Variants in AUTS2 observed in about 807,000 individuals in gnomAD.
The protein encoded by AUTS2 is autism susceptibility gene 2 protein.
AUTS2 carries 17 observed loss-of-function variants against 112.4 expected under a neutral mutation model. That is an observed-to-expected ratio of 0.15 (90% CI 0.10 to 0.23). The LOEUF is 0.23. Ranked by LOEUF, AUTS2 falls within the 10% of genes least tolerant of loss-of-function variation. The probability of loss-of-function intolerance (pLI) is 1.00; values close to 1 mark genes in which losing one functional copy is unlikely to be tolerated. For missense variants in AUTS2, 1,510 were observed against 1,701.6 expected (o/e 0.89, Z 1.98); for synonymous variants, 751 against 702.7 (o/e 1.07, Z -1.09).
intron 5 of AUTS2, among the ~76,000 whole-genome samples, chr7:70,595,727 G>A (rs1323378842): frequency 1.3e-5 from 2 of 152,206 alleles, no homozygotes; most frequent in East Asian, 3.9e-4. Flanking sequence ...GCATCTTCCG[G>A]CTGTAAATGG....
At chr7:70,640,215 C>T (rs1024672657) in intron 5 of AUTS2, among the ~76,000 whole-genome samples, 2 of 151,508 alleles carry the variant, frequency 1.3e-5, no homozygotes, top group African/African-American at 4.9e-5. Flanking sequence ...TCATCTCTTT[C>T]GAAAATATAC....
chr7:70,476,513 C>T (rs1215342093), intron 5 of AUTS2, among the ~76,000 whole-genome samples: 5 of 152,116 alleles, frequency 3.3e-5, no homozygotes, highest in African/African-American at 1.2e-4. Context: ...AGACATCTGC[C>T]CCACACAGAA....
At chr7:69,879,120 CTGTGTGTGTGTGTGTGTGTGTGTGTG>C (rs5884770) in intron 1 of AUTS2, among the ~76,000 whole-genome samples, 153 of 147,818 alleles carry the variant, frequency 1.0e-3, no homozygotes, top group Non-Finnish European at 1.6e-3. Context: ...TTGAGACTTT[CTGTGTGTGTGTGTGTGTGTGTGTGTG>C]TGTGTGTGTG....
intron 2 of AUTS2, among the ~76,000 whole-genome samples, chr7:70,070,899 G>A (rs1326498080): frequency 4.0e-5 from 6 of 151,298 alleles, no homozygotes. Flanking sequence ...AAAAAGAAAG[G>A]GAGAGAGGGA....
At chr7:70,657,834 G>T (rs914147184) in intron 5 of AUTS2, among the ~76,000 whole-genome samples, 1 of 152,106 alleles carries the variant, frequency 6.6e-6, no homozygotes, top group Non-Finnish European at 1.5e-5. Flanking sequence ...ATGTTTCTGG[G>T]GACAGGCAGG....
At position 70,321,755 on chromosome 7, in the gene AUTS2, A is replaced by G. The variant is rs565731266; in HGVS notation, c.661-113997A>G. 2.0e-5 allele frequency among the ~76,000 whole-genome samples: 3 copies of G among 152,354 alleles called. No individual in the cohort carries two copies. The East Asian group carries it at 5.8e-4, about 29-fold the overall frequency. Reference sequence around the variant, plus strand: ...GTGAAACACTGGTTTCCTGACACATATTCATTAAACATACAGTCATGTCAC... The same window carrying G: ...GTGAAACACTGGTTTCCTGACACATGTTCATTAAACATACAGTCATGTCAC... On this transcript the variant is annotated intron_variant, in intron 4 of 18. Coordinates refer to ENST00000342771, the MANE Select transcript of AUTS2 (RefSeq NM_015570.4).
chr7:70,092,034 C>G (rs1031375440), intron 2 of AUTS2, among the ~76,000 whole-genome samples: 2 of 116,454 alleles, frequency 1.7e-5, no homozygotes, highest in Non-Finnish European at 3.7e-5. Flanking sequence ...GTCATATCCC[C>G]CAAATTATAT....
chr7:69,976,584 C>T (rs1798069537), intron 2 of AUTS2, among the ~76,000 whole-genome samples: 1 of 152,116 alleles, frequency 6.6e-6, no homozygotes, highest in Admixed American at 6.5e-5. Flanking sequence ...TTTACAATCC[C>T]ACCATTAGTG....
chr7:70,766,028 C>G lies in AUTS2; in HGVS notation c.1469-86C>G. 6.5e-7 allele frequency: 1 copy of G among 1,537,654 alleles called. No individual in the cohort carries two copies. Among genetic ancestry groups the G allele is most frequent in the Non-Finnish European group, 8.8e-7 (1 of 1,139,234 alleles). ...CCTGTCACCCCTGCCACTGTGTCACCAGCCCCGTACCCCTCCACAGGAAGG... is the reference window on the plus strand; with the variant it reads ...CCTGTCACCCCTGCCACTGTGTCACGAGCCCCGTACCCCTCCACAGGAAGG... On this transcript the variant is annotated intron_variant, in intron 8 of 18. Coordinates refer to ENST00000342771, the MANE Select transcript of AUTS2 (RefSeq NM_015570.4). This position sits in a 1 kb window ranked among gnomAD's most constrained non-coding sequence, Gnocchi z 4.8.
rs149075866 is a variant in AUTS2 at position 70,394,583 on chromosome 7, G to A, written c.661-41169G>A. Reference sequence around the variant, plus strand: ...GTTCTGAAGTTCTAAGGGATAAGACGCATTGCTACCAACATATGTGGCCTA... The same window carrying A: ...GTTCTGAAGTTCTAAGGGATAAGACACATTGCTACCAACATATGTGGCCTA... On this transcript the variant is annotated intron_variant, in intron 4 of 18. Transcript: ENST00000342771. Among the ~76,000 whole-genome samples, 12 of 152,304 alleles carry A rather than the reference G, an allele frequency of 7.9e-5. No individual in the cohort carries two copies. In the East Asian group the frequency reaches 1.7e-3, roughly 22 times the overall value.
At chr7:69,846,235 A>G (rs185933494) in intron 1 of AUTS2, among the ~76,000 whole-genome samples, 3 of 152,282 alleles carry the variant, frequency 2.0e-5, no homozygotes, top group Admixed American at 2.0e-4. Flanking sequence ...TGACCACTCT[A>G]TGATTATTCT....
chr7:70,747,560 G>A (rs1788534715), intron 6 of AUTS2, among the ~76,000 whole-genome samples: 1 of 152,214 alleles, frequency 6.6e-6, no homozygotes, highest in Non-Finnish European at 1.5e-5. Context: ...CCAGGTACAA[G>A]TGATTTTGCT....
chr7:69,752,320 G>T (rs1787772847), intron 1 of AUTS2, among the ~76,000 whole-genome samples: 1 of 152,200 alleles, frequency 6.6e-6, no homozygotes, highest in Non-Finnish European at 1.5e-5. Flanking sequence ...TGTGCAGATG[G>T]GGCCTAGAGT....
chr7:70,754,922 G>T (rs1266247059), intron 6 of AUTS2, among the ~76,000 whole-genome samples: 1 of 152,228 alleles, frequency 6.6e-6, no homozygotes, highest in African/African-American at 2.4e-5. Flanking sequence ...AGTAAGTCCT[G>T]TTAGGAGACT....
intron 1 of AUTS2, among the ~76,000 whole-genome samples, chr7:69,734,811 T>A (rs1050001415): frequency 4.6e-5 from 7 of 152,186 alleles, no homozygotes; most frequent in African/African-American, 1.7e-4. Context: ...TTATAAAAGC[T>A]CTGAAAAGGT....
At chr7:69,914,793 C>T (rs1008160966) in intron 2 of AUTS2, among the ~76,000 whole-genome samples, 2 of 151,958 alleles carry the variant, frequency 1.3e-5, no homozygotes, top group South Asian at 4.1e-4. Flanking sequence ...ACCATGAGTA[C>T]AAACTCTTTT....
intron 5 of AUTS2, among the ~76,000 whole-genome samples, chr7:70,605,366 C>T (rs1803676163): frequency 6.6e-6 from 1 of 152,160 alleles, no homozygotes; most frequent in Admixed American, 6.5e-5. Context: ...TTCATGTTCA[C>T]AGGCTGACCA....
intron 2 of AUTS2, among the ~76,000 whole-genome samples, chr7:70,042,384 T>A (rs1248074319): frequency 1.3e-5 from 2 of 152,184 alleles, no homozygotes; most frequent in African/African-American, 4.8e-5. Flanking sequence ...CTATCAAAAC[T>A]GGAGCCAGGA....
At chr7:70,496,923 T>C (rs1429988434) in intron 5 of AUTS2, among the ~76,000 whole-genome samples, 1 of 84,762 alleles carries the variant, frequency 1.2e-5, no homozygotes, top group Non-Finnish European at 2.3e-5. Flanking sequence ...ACACACCACG[T>C]ACACAGTCAC....
Sources: gnomAD v4.1 joint callset for allele counts (sites outside exome capture counted in the v4.1 genomes callset) on GRCh38, gnomAD v4.1.1 for gene constraint, Gnocchi (gnomAD v3.1) non-coding constraint, MANE v1.5 for transcripts, NCBI Gene and HGNC (gene_info 2026-07-23, HGNC 2026-07-21) for gene names.